Variants in CDADC1 observed in about 807,000 individuals in gnomAD.
The protein encoded by CDADC1 is dCTP deaminase.
A neutral mutation model predicts 54.9 loss-of-function variants in CDADC1; 39 were observed. That is an observed-to-expected ratio of 0.71 (90% CI 0.55 to 0.93). CDADC1 has a LOEUF of 0.93. Ranked by LOEUF, CDADC1 falls within the 40% of genes least tolerant of loss-of-function variation. The pLI is 0.00. For missense variants in CDADC1, 518 were observed against 618.8 expected (o/e 0.84, Z 1.73); for synonymous variants, 186 against 204.0 (o/e 0.91, Z 0.75).
chr13:49,283,018 T>C (rs1242475544), intron 8 of CDADC1, among the ~76,000 whole-genome samples: 1 of 152,228 alleles, frequency 6.6e-6, no homozygotes, highest in Non-Finnish European at 1.5e-5. Flanking sequence ...GATTTAATCC[T>C]GGCATTGAAT....
chr13:49,255,191 A>G (rs1056032893), intron 2 of CDADC1, among the ~76,000 whole-genome samples: 2 of 152,198 alleles, frequency 1.3e-5, no homozygotes, highest in Non-Finnish European at 2.9e-5. Flanking sequence ...CAAAGCCAGC[A>G]ATGGCCAGTC....
In CDADC1 at chr13:49,267,708, A is replaced by G; in HGVS notation, c.649A>G (p.Thr217Ala). The part of the protein sequence containing the change: ...SYKCDFIQKI[T>A]KTLPDANTDF... The stretch of plus-strand genomic sequence containing the variant: ...CAAATGTGACTTTATTCAAAAAATT[A>G]CAAAAACATTGCCGGATGCTAACAC... The change falls in exon 5 of 10, where the codon ACA (threonine) becomes GCA (alanine). Residue 217 changes from threonine (T) to alanine (A), a missense_variant. Coordinates refer to ENST00000251108, the MANE Select transcript of CDADC1 (RefSeq NM_030911.4). The G allele has an allele frequency of 6.2e-7, 1 of 1,612,576 alleles. No homozygotes were observed. The highest frequency in any genetic ancestry group is 1.7e-4 in the Middle Eastern group (1 of 6,058).
At chr13:49,278,667 C>T (rs991892942) in intron 7 of CDADC1, 148 bp downstream of exon 7, 1 of 584,492 alleles carries the variant, frequency 1.7e-6, no homozygotes, top group African/African-American at 1.9e-5. Flanking sequence ...TTGGTCCTCA[C>T]TGCCAGACCT....
At chr13:49,263,376 ATAT>A (rs1243585537) in intron 4 of CDADC1, among the ~76,000 whole-genome samples, 1 of 152,182 alleles carries the variant, frequency 6.6e-6, no homozygotes, top group Non-Finnish European at 1.5e-5. Context: ...ATTTTTTTTA[ATAT>A]TGTAAAATCA....
At chr13:49,277,865 TTC>T (rs2138248095) in intron 6 of CDADC1, among the ~76,000 whole-genome samples, 1 of 152,320 alleles carries the variant, frequency 6.6e-6, no homozygotes, top group African/African-American at 2.4e-5. Flanking sequence ...AACAGAAATT[TTC>T]TGTTTAAAGT....
chr13:49,262,384 G>A (rs879464839), intron 4 of CDADC1, among the ~76,000 whole-genome samples: 1 of 152,000 alleles, frequency 6.6e-6, no homozygotes, highest in Admixed American at 6.6e-5. Flanking sequence ...CAAAGGTTGC[G>A]GTGAGCTGTG....
At chr13:49,282,610 C>G (rs571477608) in intron 8 of CDADC1, among the ~76,000 whole-genome samples, 1 of 152,198 alleles carries the variant, frequency 6.6e-6, no homozygotes, top group Admixed American at 6.5e-5. Context: ...TGCCACTAAT[C>G]CACAGATTCC....
intron 6 of CDADC1, among the ~76,000 whole-genome samples, chr13:49,275,838 A>C (rs1434596420): frequency 7.0e-6 from 1 of 143,616 alleles, no homozygotes; most frequent in Non-Finnish European, 1.5e-5. Context: ...GTGCAGTCTG[A>C]GCTCACTGCA....
intron 9 of CDADC1, among the ~76,000 whole-genome samples, chr13:49,287,281 AT>A (rs1196659311): frequency 2.0e-5 from 3 of 152,212 alleles, no homozygotes; most frequent in Non-Finnish European, 4.4e-5. Context: ...GATAATAACA[AT>A]TTTTTAACCT....
intron 3 of CDADC1, among the ~76,000 whole-genome samples, chr13:49,256,317 C>G (rs529817959): frequency 6.6e-6 from 1 of 152,274 alleles, no homozygotes; most frequent in African/African-American, 2.4e-5. Context: ...TAATATCTCC[C>G]TCCAGGACAA....
chr13:49,281,704 A>AC (rs1047467923), intron 8 of CDADC1, among the ~76,000 whole-genome samples: 1 of 152,096 alleles, frequency 6.6e-6, no homozygotes, highest in African/African-American at 2.4e-5. Flanking sequence ...TTTAAAGGTC[A>AC]CCCCCACCCC....
intron 9 of CDADC1, among the ~76,000 whole-genome samples, chr13:49,290,418 T>C (rs1026724331): frequency 6.6e-6 from 1 of 151,942 alleles, no homozygotes; most frequent in Non-Finnish European, 1.5e-5. Flanking sequence ...ACATTATATA[T>C]AGAGAGAGAG....
chr13:49,286,324 A>C (rs762047248), intron 9 of CDADC1, 42 bp downstream of exon 9: 10 of 1,387,820 alleles, frequency 7.2e-6, no homozygotes, highest in Non-Finnish European at 1.0e-5. Flanking sequence ...TGCTGAGGAG[A>C]AAGGATATAC....
intron 5 of CDADC1, among the ~76,000 whole-genome samples, chr13:49,272,581 G>A (rs1452313830): frequency 3.3e-5 from 5 of 151,752 alleles, no homozygotes; most frequent in Non-Finnish European, 7.4e-5. Context: ...CCTCACCACT[G>A]CATCCTCAGT....
intron 4 of CDADC1, among the ~76,000 whole-genome samples, chr13:49,264,650 G>A (rs1952771742): frequency 6.6e-6 from 1 of 151,710 alleles, no homozygotes; most frequent in East Asian, 1.9e-4. Context: ...TAGAGTATGG[G>A]AGTTAGAAGT....
In CDADC1 at chr13:49,278,513, CA is replaced by C. The variant is rs1953211835; in HGVS notation, c.1215del (p.Phe406LeufsTer6). 1 of 1,513,652 alleles carries C rather than the reference CA, an allele frequency of 6.6e-7. No individual in the cohort carries two copies. The highest frequency in any genetic ancestry group is 1.3e-5 in the South Asian group (1 of 77,338). The allele number at this position is 1,513,652 out of a possible 1,614,324, so 93.8% of individuals were successfully genotyped here. ...ATACATGCGGAACAGAATGCCTTGA[CA>C]TTTAGGTATGAAATCCTTCTTGGTG... ...YIIHAEQNAL[T>X]FRCQEIKPEE... On this transcript the variant is annotated frameshift_variant, in exon 7 of 10. Transcript: ENST00000251108. LOFTEE classifies it high-confidence loss of function.
intron 8 of CDADC1, among the ~76,000 whole-genome samples, chr13:49,281,472 T>C (rs1953332902): frequency 1.3e-5 from 2 of 152,182 alleles, no homozygotes; most frequent in African/African-American, 4.8e-5. Context: ...CATCAGGCAA[T>C]AGATTCTCAT....
At position 49,248,136 on chromosome 13, in the gene CDADC1, C is replaced by A. The variant is rs376615856; in HGVS notation, c.82+17C>A. 3.2e-6 allele frequency: 5 copies of A among 1,543,004 alleles called. No homozygotes were observed. The African/African-American group carries it at 6.9e-5, about 21-fold the overall frequency. ...GCATGACCGGTGAGTGTCCGGGACC[C>A]TGCTCCCGCCACCCTACCTTTCGCT... On this transcript the variant is annotated intron_variant, in intron 1 of 9. Coordinates refer to ENST00000251108, the MANE Select transcript of CDADC1 (RefSeq NM_030911.4).
chr13:49,275,742 G>T lies in CDADC1; in HGVS notation c.1050+1402G>T, dbSNP rs1470928353. Among the ~76,000 whole-genome samples, 60 of 13,876 alleles carry T rather than the reference G, an allele frequency of 4.3e-3. 1 individual carries two copies. The highest frequency in any genetic ancestry group is 0.011 in the South Asian group (3 of 274). The allele number at this position is 13,876 out of a possible 152,430, so 9.1% of individuals were successfully genotyped here. On this transcript the variant is annotated intron_variant, in intron 6 of 9. Transcript: ENST00000251108. ...ATATATATATAGAGAGAGAGAGAGAGAGAGAGAGAGAGAGAGAGAGAGAGA... is the reference window on the plus strand; with the variant it reads ...ATATATATATAGAGAGAGAGAGAGATAGAGAGAGAGAGAGAGAGAGAGAGA...
Sources: gnomAD v4.1 joint callset for allele counts (sites outside exome capture counted in the v4.1 genomes callset) on GRCh38, gnomAD v4.1.1 for gene constraint, MANE v1.5 for transcripts, NCBI Gene and HGNC (gene_info 2026-07-23, HGNC 2026-07-21) for gene names.